The following SEC24D variants were observed in gnomAD, a reference collection of about 807,000 sequenced individuals.
SEC24D encodes SEC24 homolog D, COPII component.
Under a neutral mutation model 116.9 loss-of-function variants are expected in SEC24D, and 69 were observed. The ratio of observed to expected loss-of-function variants is 0.59; its 90% CI spans 0.49 to 0.72. The LOEUF is 0.72. Ranked by LOEUF, SEC24D falls within the 30% of genes least tolerant of loss-of-function variation. The probability of loss-of-function intolerance (pLI) is 0.00; values close to 1 mark genes in which losing one functional copy is unlikely to be tolerated. For missense variants in SEC24D, 1,131 were observed against 1,264.1 expected, an observed-to-expected ratio of 0.89 and a Z score of 1.60; for synonymous variants, 405 against 442.8, an observed-to-expected ratio of 0.91 and a Z score of 1.07.
chr4:118,764,079 G>A (rs1334533321), intron 10 of SEC24D, among the ~76,000 whole-genome samples: 2 of 152,160 alleles, frequency 1.3e-5, no homozygotes, highest in Non-Finnish European at 2.9e-5. Flanking sequence ...CTGGTATAAA[G>A]GCATGGAGTT....
In SEC24D at chr4:118,752,078, T is replaced by C. The variant is rs1186817484; in HGVS notation, c.1625A>G (p.Gln542Arg). The change falls in exon 13 of 23, where the codon CAG becomes CGG. Residue 542 changes from glutamine (Q) to arginine (R), a missense_variant. Transcript: ENST00000280551. ...SQSVIHNLLDQIPDMFADSNE... is the reference protein window; with the variant it reads ...SQSVIHNLLDRIPDMFADSNE... ...AGAGTCTGCAAACATGTCTGGAATCTGGTCCAACAAACTATAAGACATGAG... is the reference window on the plus strand; with the variant it reads ...AGAGTCTGCAAACATGTCTGGAATCCGGTCCAACAAACTATAAGACATGAG... 2 of 1,609,394 alleles carry C rather than the reference T, an allele frequency of 1.2e-6. No homozygotes were observed. The highest frequency in any genetic ancestry group is 1.7e-5 in the Admixed American group (1 of 59,730).
intron 2 of SEC24D, 56 bp from the exon 3 acceptor site, chr4:118,824,805 CAA>C (rs1214029493): frequency 1.4e-6 from 2 of 1,464,998 alleles, no homozygotes; most frequent in Non-Finnish European, 1.8e-6. Flanking sequence ...AGAGATGAGG[CAA>C]AGTCATTAGG....
At chr4:118,833,151 T>C (rs1198706092) in intron 2 of SEC24D, 1 of 154,106 alleles carries the variant, frequency 6.5e-6, no homozygotes, top group Non-Finnish European at 1.4e-5. Context: ...CATTGATTTA[T>C]ACATGGTCCA....
intron 8 of SEC24D, among the ~76,000 whole-genome samples, chr4:118,775,169 C>G (rs998173732): frequency 2.6e-5 from 4 of 152,032 alleles, no homozygotes; most frequent in Non-Finnish European, 4.4e-5. Context: ...TTCAAAACCA[C>G]GACTACATTC....
In SEC24D at chr4:118,738,999, T is replaced by C; in HGVS notation, c.2377+150A>G. ...TCACTTATTAATTTAGAGTTAGGAA[T>C]GCTGACTATTCTCTCTCAGCCTTTG... On this transcript the variant is annotated intron_variant, in intron 18 of 22. Transcript: ENST00000280551. 5.7e-6 allele frequency: 4 copies of C among 696,982 alleles called. No homozygotes were observed. In the South Asian group the frequency reaches 7.0e-5, roughly 12 times the overall value. 43.2% of individuals were successfully genotyped at this position (696,982 alleles called of 1,614,324 possible). A position where few individuals can be genotyped will look rare whatever the true frequency, so the allele number is the denominator to read the frequency against.
chr4:118,791,860 A>C (rs1290944435), intron 8 of SEC24D, among the ~76,000 whole-genome samples: 1 of 152,066 alleles, frequency 6.6e-6, no homozygotes, highest in Non-Finnish European at 1.5e-5. Context: ...CAGTGGCGTG[A>C]TCTTGGCTCG....
At chr4:118,824,837 G>T in intron 2 of SEC24D, 88 bp from the exon 3 acceptor site, 2 of 1,201,226 alleles carry the variant, frequency 1.7e-6, no homozygotes, top group Non-Finnish European at 2.3e-6. Flanking sequence ...AGAACTAGGT[G>T]GAGGAGGAGG....
intron 2 of SEC24D, among the ~76,000 whole-genome samples, chr4:118,826,211 C>G (rs900014310): frequency 6.6e-6 from 1 of 151,960 alleles, no homozygotes; most frequent in Admixed American, 6.6e-5. Flanking sequence ...AGTTCTAAAC[C>G]CCAAACCCAG....
At chr4:118,810,074 C>CTTGTGTGTGTGTGTGTGTGTGTG in intron 6 of SEC24D, among the ~76,000 whole-genome samples, 1 of 38,620 alleles carries the variant, frequency 2.6e-5, no homozygotes, top group East Asian at 1.2e-3. Flanking sequence ...TCAGAGGTAG[C>CTTGTGTGTGTGTGTGTGTGTGTG]TGTGTGTGTG....
chr4:118,833,864 G>C (rs542774534), intron 1 of SEC24D, 127 bp from the exon 2 acceptor site: 3 of 554,556 alleles, frequency 5.4e-6, no homozygotes, highest in South Asian at 2.2e-5. Flanking sequence ...AGGTACATGA[G>C]AAATCTTTGT....
chr4:118,803,207 T>C (rs961092792), intron 7 of SEC24D, among the ~76,000 whole-genome samples: 1 of 152,220 alleles, frequency 6.6e-6, no homozygotes, highest in African/African-American at 2.4e-5. Flanking sequence ...ATTGTGAATG[T>C]AATTAAGGCC....
chr4:118,833,300 C>T (rs1047055032), intron 2 of SEC24D: 4 of 280,314 alleles, frequency 1.4e-5, no homozygotes, highest in Non-Finnish European at 2.6e-5. Context: ...AATAGCCTTA[C>T]ACCACTAATT....
chr4:118,805,308 G>C (rs180948309), intron 7 of SEC24D, among the ~76,000 whole-genome samples: 1 of 152,264 alleles, frequency 6.6e-6, no homozygotes, highest in African/African-American at 2.4e-5. Flanking sequence ...ATTTCATCGG[G>C]CTATATTCTT....
At chr4:118,784,738 T>TC (rs1728585044) in intron 8 of SEC24D, among the ~76,000 whole-genome samples, 1 of 114,582 alleles carries the variant, frequency 8.7e-6, no homozygotes, top group African/African-American at 3.2e-5. Flanking sequence ...CATCCTTCCC[T>TC]GCCCCCCCCC....
intron 8 of SEC24D, among the ~76,000 whole-genome samples, chr4:118,775,418 A>T (rs1728088621): frequency 6.6e-6 from 1 of 151,694 alleles, no homozygotes; most frequent in Non-Finnish European, 1.5e-5. Flanking sequence ...AGATATGGGC[A>T]CTTATGAGGA....
At chr4:118,777,444 C>T (rs890245927) in intron 8 of SEC24D, among the ~76,000 whole-genome samples, 2 of 152,216 alleles carry the variant, frequency 1.3e-5, no homozygotes, top group African/African-American at 4.8e-5. Context: ...AGGACATAAA[C>T]TCATCCTTTT....
chr4:118,723,465 AAGG>A lies in SEC24D; in HGVS notation c.*47_*49del, dbSNP rs775267354. On this transcript the variant is annotated 3_prime_UTR_variant, in exon 23 of 23. Transcript: ENST00000280551. ...ATCATCTAGAAAATTAGGCACCAAGAAGGAGATTATCTCCTTGGAAATGCAACA... is the reference window on the plus strand; with the variant it reads ...ATCATCTAGAAAATTAGGCACCAAGAAGATTATCTCCTTGGAAATGCAACA... The A allele has an allele frequency of 1.9e-6, 3 of 1,557,402 alleles. No homozygotes were observed. Among genetic ancestry groups the A allele is most frequent in the Non-Finnish European group, 1.7e-6 (2 of 1,148,998 alleles).
At chr4:118,741,113 G>A in intron 15 of SEC24D, 76 bp from the exon 16 acceptor site, 1 of 670,582 alleles carries the variant, frequency 1.5e-6, no homozygotes, top group Non-Finnish European at 2.4e-6. Flanking sequence ...TTTTAATCCT[G>A]AGTTATAATA....
intron 8 of SEC24D, among the ~76,000 whole-genome samples, chr4:118,780,441 T>C (rs1728347211): frequency 6.6e-6 from 1 of 152,218 alleles, no homozygotes; most frequent in African/African-American, 2.4e-5. Context: ...TGAGTTCTAA[T>C]TTGATTGCAC....
Sources: allele counts gnomAD v4.1 joint callset (sites outside exome capture counted in the v4.1 genomes callset), GRCh38; gene constraint gnomAD v4.1.1; transcripts MANE v1.5; gene names NCBI Gene and HGNC (gene_info 2026-07-23, HGNC 2026-07-21).